VPS13B: variants seen among roughly 807,000 people sequenced by gnomAD.
VPS13B encodes the protein intermembrane lipid transfer protein VPS13B.
A neutral mutation model predicts 426.4 loss-of-function variants in VPS13B; 285 were observed. The observed-to-expected ratio is 0.67, with a 90% CI of 0.61 to 0.74. The LOEUF (loss-of-function observed/expected upper bound fraction) is 0.74, where lower values mean the gene tolerates loss of function less well. Among genes scored for constraint, VPS13B ranks in the 30% least tolerant of loss-of-function variants. The probability of loss-of-function intolerance (pLI) is 0.00; values close to 1 mark genes in which losing one functional copy is unlikely to be tolerated. For missense variants in VPS13B, 4,537 were observed against 4,782.6 expected, an observed-to-expected ratio of 0.95 and a Z score of 1.51; for synonymous variants, 1,676 against 1,676.4, an observed-to-expected ratio of 1.00 and a Z score of 0.01.
intron 14 of VPS13B, among the ~76,000 whole-genome samples, chr8:99,148,824 G>A (rs565892620): frequency 6.6e-6 from 1 of 152,344 alleles, no homozygotes; most frequent in South Asian, 2.1e-4. Context: ...TTGGTACATG[G>A]TGGGGCACCC....
At chr8:99,276,927 C>A (rs375495246) in intron 19 of VPS13B, among the ~76,000 whole-genome samples, 47 of 152,058 alleles carry the variant, frequency 3.1e-4, no homozygotes, top group African/African-American at 1.0e-3. Context: ...ATTTGTTTTA[C>A]CACATATACA....
rs554149414 is a variant in VPS13B, at chr8:99,125,928, C to CT, written c.1206+4495dup. On this transcript the variant is annotated intron_variant, in intron 8 of 61. Coordinates refer to ENST00000357162, the MANE Select transcript of VPS13B (RefSeq NM_152564.5). The stretch of plus-strand genomic sequence containing the variant: ...CTGGTTGGGGTTGTGGAGCTAAAGA[C>CT]TTTTTTTTTTTTAAAGATGCAGGTA... Among the ~76,000 whole-genome samples, 200 of 144,506 alleles carry CT rather than the reference C, an allele frequency of 1.4e-3. 1 individual carries two copies. The highest frequency in any genetic ancestry group is 0.013 in the East Asian group (64 of 5,004). The allele number at this position is 144,506 out of a possible 152,430, so 94.8% of individuals were successfully genotyped here. A position where few individuals can be genotyped will look rare whatever the true frequency, so the allele number is the denominator to read the frequency against.
At chr8:99,383,641 T>C (rs1317949051) in intron 19 of VPS13B, among the ~76,000 whole-genome samples, 1 of 151,898 alleles carries the variant, frequency 6.6e-6, no homozygotes, top group East Asian at 1.9e-4. Context: ...TCACAGGCCC[T>C]GGTAACCACA....
intron 41 of VPS13B, among the ~76,000 whole-genome samples, chr8:99,778,146 C>T (rs1024788756): frequency 6.6e-6 from 1 of 151,164 alleles, no homozygotes; most frequent in East Asian, 1.9e-4. Flanking sequence ...GCAGGAGAAT[C>T]GCTTGAACCC....
intron 19 of VPS13B, among the ~76,000 whole-genome samples, chr8:99,275,521 C>A (rs1347185247): frequency 6.6e-6 from 1 of 151,940 alleles, no homozygotes; most frequent in Non-Finnish European, 1.5e-5. Flanking sequence ...ATATAAGGAA[C>A]AACTGAGTTT....
chr8:99,293,865 G>T (rs1327793784), intron 19 of VPS13B, among the ~76,000 whole-genome samples: 1 of 142,576 alleles, frequency 7.0e-6, no homozygotes, highest in Non-Finnish European at 1.5e-5. Flanking sequence ...AGTTAGAATG[G>T]CAATCATTAA....
intron 58 of VPS13B, among the ~76,000 whole-genome samples, chr8:99,863,398 A>G (rs775455042): frequency 1.3e-5 from 2 of 152,106 alleles, no homozygotes; most frequent in East Asian, 1.9e-4. Context: ...TTGTTTTGCA[A>G]TTCGGGACCT....
intron 13 of VPS13B, among the ~76,000 whole-genome samples, 175 bp downstream of exon 13, chr8:99,143,340 G>C (rs77732757): frequency 6.6e-6 from 1 of 152,166 alleles, no homozygotes; most frequent in Non-Finnish European, 1.5e-5. Flanking sequence ...AAGTTGGAGA[G>C]ATCAAGATTT....
At chr8:99,090,109 G>T (rs1170075608) in intron 3 of VPS13B, among the ~76,000 whole-genome samples, 3 of 151,984 alleles carry the variant, frequency 2.0e-5, no homozygotes, top group Admixed American at 2.0e-4. Flanking sequence ...CCTATGGCTT[G>T]AGCGGAGGGG....
chr8:99,384,968 A>G (rs569496187), intron 20 of VPS13B, among the ~76,000 whole-genome samples: 1 of 152,256 alleles, frequency 6.6e-6, no homozygotes, highest in South Asian at 2.1e-4. Flanking sequence ...TATGAGCCAC[A>G]GCGTCTGACC....
intron 17 of VPS13B, among the ~76,000 whole-genome samples, chr8:99,236,650 T>A (rs943716545): frequency 2.6e-5 from 4 of 152,226 alleles, no homozygotes; most frequent in African/African-American, 9.6e-5. Flanking sequence ...TGATGTTTCC[T>A]GAAGGACAGA....
chr8:99,614,022 C>T (rs1284999355), intron 33 of VPS13B: 1 of 152,350 alleles, frequency 6.6e-6, no homozygotes, highest in African/African-American at 2.4e-5. Flanking sequence ...GGGCTCAAGC[C>T]ATCCTCCTGC....
intron 35 of VPS13B, among the ~76,000 whole-genome samples, chr8:99,689,844 T>A (rs1831576151): frequency 6.6e-6 from 1 of 152,174 alleles, no homozygotes; most frequent in Admixed American, 6.5e-5. Flanking sequence ...TTGGTTTATG[T>A]GGATATTTGG....
chr8:99,565,360 G>A (rs1825129161), intron 31 of VPS13B, among the ~76,000 whole-genome samples: 1 of 134,942 alleles, frequency 7.4e-6, no homozygotes, highest in Non-Finnish European at 1.6e-5. Context: ...GTAATACTCT[G>A]TGGGCTTTTT....
chr8:99,148,946 T>C (rs552044908), intron 14 of VPS13B, among the ~76,000 whole-genome samples: 27 of 152,372 alleles, frequency 1.8e-4, no homozygotes, highest in Admixed American at 3.9e-4. Context: ...AAATGTTTCA[T>C]GGCCGCCTCT....
intron 29 of VPS13B, 52 bp downstream of exon 29, chr8:99,511,564 A>G: frequency 6.4e-7 from 1 of 1,561,448 alleles, no homozygotes; most frequent in Non-Finnish European, 8.7e-7. Flanking sequence ...TCTTCTAGAG[A>G]CCTTAGTTTT....
chr8:99,227,971 A>G (rs1816103121), intron 17 of VPS13B, among the ~76,000 whole-genome samples: 1 of 152,138 alleles, frequency 6.6e-6, no homozygotes, highest in African/African-American at 2.4e-5. Context: ...AGGCAATTTT[A>G]AGGGTGTGGA....
intron 21 of VPS13B, among the ~76,000 whole-genome samples, chr8:99,416,507 G>T (rs1214251350): frequency 1.3e-5 from 2 of 152,132 alleles, no homozygotes; most frequent in African/African-American, 4.8e-5. Flanking sequence ...TGCCCAAATG[G>T]CCACCCAGTT....
At position 99,817,500 on chromosome 8, in the gene VPS13B, T is replaced by A. The variant is rs187912058; in HGVS notation, c.8098-40T>A. 694 of 1,610,620 alleles carry A rather than the reference T, an allele frequency of 4.3e-4. 5 individuals carry two copies. In the African/African-American group the frequency reaches 8.4e-3, roughly 19 times the overall value. On this transcript the variant is annotated intron_variant, in intron 44 of 61. Coordinates refer to ENST00000357162, the MANE Select transcript of VPS13B (RefSeq NM_152564.5). ...GATAACATATTTCCAGTTAATGAAG[T>A]CTGAATTGATGAAGCCTTATATACT...
Sources: allele counts gnomAD v4.1 joint callset (sites outside exome capture counted in the v4.1 genomes callset), GRCh38; gene constraint gnomAD v4.1.1; transcripts MANE v1.5; gene names NCBI Gene and HGNC (gene_info 2026-07-23, HGNC 2026-07-21).